The following NTRK2 variants were observed in gnomAD, a reference collection of about 807,000 sequenced individuals.
NTRK2 encodes BDNF/NT-3 growth factors receptor.
NTRK2 carries 13 observed loss-of-function variants against 94.5 expected under a neutral mutation model. That is an observed-to-expected ratio of 0.14 (90% CI 0.09 to 0.22). The LOEUF (loss-of-function observed/expected upper bound fraction) is 0.22. Among genes scored for constraint, NTRK2 ranks in the 10% least tolerant of loss-of-function variants. The pLI, the probability that NTRK2 is intolerant of heterozygous loss-of-function variation, is 1.00. For missense variants in NTRK2, 639 were observed against 1,071.2 expected, an observed-to-expected ratio of 0.60 and a Z score of 5.63; for synonymous variants, 372 against 407.4, an observed-to-expected ratio of 0.91 and a Z score of 1.05.
At chr9:84,909,535 T>C (rs538986764) in intron 14 of NTRK2, among the ~76,000 whole-genome samples, 2 of 152,258 alleles carry the variant, frequency 1.3e-5, no homozygotes, top group Admixed American at 1.3e-4. Flanking sequence ...CTGTACCCTT[T>C]AACATTTCCA....
chr9:84,768,260 A>G (rs2066214044), intron 12 of NTRK2, among the ~76,000 whole-genome samples: 1 of 152,240 alleles, frequency 6.6e-6, no homozygotes. Flanking sequence ...GGAAATGCCA[A>G]GTCTAAGTAG....
At chr9:84,951,872 G>A (rs2078795332) in intron 16 of NTRK2, among the ~76,000 whole-genome samples, 1 of 152,168 alleles carries the variant, frequency 6.6e-6, no homozygotes, top group Admixed American at 6.5e-5. Context: ...TATAAAGACA[G>A]ATGTCTTCTC....
intron 12 of NTRK2, among the ~76,000 whole-genome samples, chr9:84,769,195 C>T (rs2066304296): frequency 6.6e-6 from 1 of 152,098 alleles, no homozygotes. Flanking sequence ...AAATTATAAA[C>T]ATTATTGAAA....
chr9:84,923,882 AGAGT>A (rs2077650646), intron 14 of NTRK2, among the ~76,000 whole-genome samples: 1 of 152,034 alleles, frequency 6.6e-6, no homozygotes, highest in Admixed American at 6.6e-5. Context: ...CCTGGGCGAC[AGAGT>A]GAGTGAGACT....
intron 2 of NTRK2, among the ~76,000 whole-genome samples, chr9:84,684,975 C>T (rs767433043): frequency 2.2e-4 from 34 of 151,552 alleles, no homozygotes; most frequent in Non-Finnish European, 4.7e-4. Context: ...AAGTTTTTTT[C>T]TAGTAAAGCT....
At chr9:84,670,304 G>A (rs2058621127) in intron 1 of NTRK2, 73 bp from the exon 2 acceptor site, 1 of 283,504 alleles carries the variant, frequency 3.5e-6, no homozygotes, top group African/African-American at 2.2e-5. Flanking sequence ...GACGCGAGCA[G>A]AGAGGGAGAG....
intron 17 of NTRK2, among the ~76,000 whole-genome samples, chr9:84,993,942 C>T (rs891406130): frequency 6.6e-5 from 10 of 152,186 alleles, no homozygotes; most frequent in African/African-American, 2.4e-4. Context: ...TATCAGGCTT[C>T]CAGCCCAAAG....
At chr9:84,918,674 A>T in intron 14 of NTRK2, among the ~76,000 whole-genome samples, 1 of 152,234 alleles carries the variant, frequency 6.6e-6, no homozygotes, top group Non-Finnish European at 1.5e-5. Flanking sequence ...GTTAAGGGAA[A>T]ATATGATTGA....
intron 12 of NTRK2, among the ~76,000 whole-genome samples, chr9:84,842,464 T>A (rs1305098834): frequency 6.6e-6 from 1 of 152,212 alleles, no homozygotes; most frequent in Non-Finnish European, 1.5e-5. Flanking sequence ...AAGTTACTGA[T>A]CTGCTTCAGG....
At chr9:84,998,565 AG>A (rs1830016829) in intron 17 of NTRK2, among the ~76,000 whole-genome samples, 1 of 152,198 alleles carries the variant, frequency 6.6e-6, no homozygotes, top group African/African-American at 2.4e-5. Context: ...TCCACGGCCA[AG>A]GGGAAAGAGG....
chr9:84,697,642 G>A (rs1260273718), intron 2 of NTRK2, among the ~76,000 whole-genome samples: 1 of 152,208 alleles, frequency 6.6e-6, no homozygotes, highest in African/African-American at 2.4e-5. Context: ...CAGTTGCCCT[G>A]AGGCAGAGAG....
intron 12 of NTRK2, among the ~76,000 whole-genome samples, chr9:84,804,712 A>T (rs982556063): frequency 1.3e-5 from 2 of 152,202 alleles, no homozygotes; most frequent in African/African-American, 4.8e-5. Context: ...GTGATGACAT[A>T]TATTGCTTAT....
chr9:84,739,542 T>C (rs1689969002), intron 9 of NTRK2, among the ~76,000 whole-genome samples: 1 of 152,232 alleles, frequency 6.6e-6, no homozygotes, highest in South Asian at 2.1e-4. Flanking sequence ...ATGTCATTCA[T>C]AGTCACTGAG....
chr9:84,812,484 C>T, intron 12 of NTRK2: 3 of 1,049,712 alleles, frequency 2.9e-6, no homozygotes, highest in Middle Eastern at 4.4e-4. Context: ...TTCCCATTTT[C>T]TTGTTCGCGG....
chr9:84,699,610 C>T (rs889640802), intron 2 of NTRK2, among the ~76,000 whole-genome samples: 9 of 150,128 alleles, frequency 6.0e-5, no homozygotes, highest in Non-Finnish European at 7.4e-5. Context: ...TCCTCATCTC[C>T]TTCTTTCTTG....
At chr9:84,781,061 A>G (rs1038990118) in intron 12 of NTRK2, among the ~76,000 whole-genome samples, 3 of 152,148 alleles carry the variant, frequency 2.0e-5, no homozygotes, top group African/African-American at 7.2e-5. Context: ...GCAAAAGGGT[A>G]AATGTGCAGT....
chr9:84,693,525 G>A (rs1247733959), intron 2 of NTRK2, among the ~76,000 whole-genome samples: 1 of 152,100 alleles, frequency 6.6e-6, no homozygotes, highest in Admixed American at 6.5e-5. Context: ...ATGTATTGAA[G>A]AGATGTGAGA....
intron 12 of NTRK2, among the ~76,000 whole-genome samples, chr9:84,844,384 A>G (rs2074352673): frequency 6.6e-6 from 1 of 152,160 alleles, no homozygotes; most frequent in Non-Finnish European, 1.5e-5. Context: ...GACTCCTCCC[A>G]CATTCAGAAT....
chr9:84,973,799 G>T (rs1826473690), intron 17 of NTRK2, among the ~76,000 whole-genome samples: 1 of 152,132 alleles, frequency 6.6e-6, no homozygotes, highest in East Asian at 1.9e-4. Context: ...CAAGACTCAG[G>T]TTCACTGAAT....
Sources: allele counts gnomAD v4.1 joint callset (sites outside exome capture counted in the v4.1 genomes callset), GRCh38; gene constraint gnomAD v4.1.1; transcripts MANE v1.5; gene names NCBI Gene and HGNC (gene_info 2026-07-23, HGNC 2026-07-21).